The following ITGA1 variants were observed in gnomAD, a reference collection of about 807,000 sequenced individuals.
ITGA1 encodes the protein integrin subunit alpha 1.
A neutral mutation model predicts 145.9 loss-of-function variants in ITGA1; 85 were observed. The observed-to-expected ratio is 0.58, with a 90% CI of 0.49 to 0.70. The LOEUF (loss-of-function observed/expected upper bound fraction) is 0.70. Among genes scored for constraint, ITGA1 ranks in the 30% least tolerant of loss-of-function variants. The pLI is 0.00. For synonymous variants in ITGA1, 520 were observed against 495.3 expected, an observed-to-expected ratio of 1.05 and a Z score of -0.66; for missense variants, 1,351 against 1,418.7, an observed-to-expected ratio of 0.95 and a Z score of 0.77.
rs1395854940 is a variant in ITGA1, at chr5:52,945,048, T to A, written c.3378+13T>A. On this transcript the variant is annotated intron_variant, in intron 27 of 28. Transcript: ENST00000282588. ...TCAAAAAAGAGAGGTAAGTGCAACA[T>A]GAGTTTTGAAAACATTATGCATTTC... 1 of 1,585,944 alleles carries A rather than the reference T, an allele frequency of 6.3e-7. No homozygotes were observed. Among genetic ancestry groups the A allele is most frequent in the Admixed American group, 1.7e-5 (1 of 59,838 alleles).
chr5:52,864,639 A>G, intron 3 of ITGA1, 124 bp from the exon 4 acceptor site: 1 of 635,036 alleles, frequency 1.6e-6, no homozygotes, highest in East Asian at 2.8e-5. Flanking sequence ...AAGACTAATT[A>G]GTTGAACCAA....
chr5:52,814,190 A>C (rs1240865806), intron 1 of ITGA1, among the ~76,000 whole-genome samples: 1 of 152,220 alleles, frequency 6.6e-6, no homozygotes, highest in Non-Finnish European at 1.5e-5. Context: ...TCTGTCACCC[A>C]GGCTGGAGTG....
chr5:52,792,383 G>A (rs1748258621), intron 1 of ITGA1, among the ~76,000 whole-genome samples: 1 of 152,170 alleles, frequency 6.6e-6, no homozygotes, highest in African/African-American at 2.4e-5. Flanking sequence ...TACTCATTGT[G>A]ATGTTTGTAA....
rs1285657026 is a variant in ITGA1 at position 52,957,747 on chromosome 5, A to C, written c.*5296A>C. On this transcript the variant is annotated 3_prime_UTR_variant, in exon 29 of 29. Coordinates refer to ENST00000282588, the MANE Select transcript of ITGA1 (RefSeq NM_181501.2). Reference sequence around the variant, plus strand: ...ATGTTATCTTTGTTGGTGAGCAGACACTCAGAGATCCTTTAATTATCTGAC... The same window carrying C: ...ATGTTATCTTTGTTGGTGAGCAGACCCTCAGAGATCCTTTAATTATCTGAC... The C allele has an allele frequency of 2.6e-5, 4 of 152,150 alleles. No homozygotes were observed. 9.4% of individuals were successfully genotyped at this position (152,150 alleles called of 1,614,324 possible).
rs115814290 is a variant in ITGA1 at position 52,857,412 on chromosome 5, A to C, written c.183-4035A>C. Among the ~76,000 whole-genome samples, 506 of 152,102 alleles carry C rather than the reference A, an allele frequency of 3.3e-3. 3 individuals are homozygous for C. The highest frequency in any genetic ancestry group is 0.011 in the African/African-American group (463 of 41,506). ...TTCTTGCCATCATTTAGCCATATGC[A>C]GATTGCCTCCATGATAAATTTGGAC... On this transcript the variant is annotated intron_variant, in intron 2 of 28. Coordinates refer to ENST00000282588, the MANE Select transcript of ITGA1 (RefSeq NM_181501.2).
chr5:52,831,590 A>G (rs1173401629), intron 1 of ITGA1, among the ~76,000 whole-genome samples: 2 of 152,012 alleles, frequency 1.3e-5, no homozygotes, highest in Admixed American at 1.3e-4. Context: ...TCACAATAAC[A>G]GTAATCACTT....
At chr5:52,836,913 A>T (rs1253167126) in intron 1 of ITGA1, among the ~76,000 whole-genome samples, 1 of 152,132 alleles carries the variant, frequency 6.6e-6, no homozygotes, top group East Asian at 1.9e-4. Context: ...ATACAGGAAA[A>T]TTTAAAGGCA....
intron 1 of ITGA1, chr5:52,800,049 G>A (rs1027146506): frequency 6.4e-6 from 2 of 310,412 alleles, no homozygotes; most frequent in African/African-American, 2.2e-5. Context: ...CTTTGGGGAC[G>A]GGAGACGTGC....
chr5:52,884,043 A>T (rs1474591694), intron 7 of ITGA1, among the ~76,000 whole-genome samples: 1 of 152,220 alleles, frequency 6.6e-6, no homozygotes, highest in African/African-American at 2.4e-5. Context: ...TGACCTAAGG[A>T]ATTTGAATTT....
chr5:52,898,409 G>C (rs202122639), intron 11 of ITGA1, 26 bp downstream of exon 11: 1 of 1,555,382 alleles, frequency 6.4e-7, no homozygotes, highest in Admixed American at 2.0e-5. Context: ...AATTATAAAA[G>C]AGTTGTTTTA....
intron 6 of ITGA1, among the ~76,000 whole-genome samples, chr5:52,875,164 G>A (rs548782261): frequency 6.4e-4 from 97 of 152,186 alleles, no homozygotes; most frequent in African/African-American, 2.3e-3. Context: ...GAGATGGGGA[G>A]GAGTCTGCCG....
chr5:52,808,474 T>G (rs1458339166), intron 1 of ITGA1, among the ~76,000 whole-genome samples: 1 of 152,144 alleles, frequency 6.6e-6, no homozygotes, highest in Non-Finnish European at 1.5e-5. Flanking sequence ...ATGTCTGGAA[T>G]TTTTCATCAA....
At chr5:52,842,746 C>T (rs1379754339) in intron 1 of ITGA1, among the ~76,000 whole-genome samples, 1 of 147,572 alleles carries the variant, frequency 6.8e-6, no homozygotes, top group Non-Finnish European at 1.5e-5. Flanking sequence ...AGTGCAGTGG[C>T]ACGATCTCGG....
At chr5:52,810,734 G>T (rs1748671783) in intron 1 of ITGA1, among the ~76,000 whole-genome samples, 1 of 151,216 alleles carries the variant, frequency 6.6e-6, no homozygotes, top group South Asian at 2.1e-4. Context: ...CTCACTCTGG[G>T]CCTAACTCCT....
Position 52,893,767 on chromosome 5 carries a change from C to T in ITGA1, c.1017C>T (p.Phe339=), listed in dbSNP as rs1402007323. ...CAAGTGAACCCACTGAAAAGCATTT[C>T]TTCAATGTCTCTGATGAATTGGCTC... ...SIASEPTEKH[F]FNVSDELALV... Residue 339 remains phenylalanine, a synonymous_variant, in exon 9 of 29, where the codon TTC becomes TTT. Transcript: ENST00000282588. 15 of 1,612,694 alleles carry T rather than the reference C, an allele frequency of 9.3e-6. No homozygotes were observed. The highest frequency in any genetic ancestry group is 1.1e-5 in the Non-Finnish European group (13 of 1,179,074).
In ITGA1 at chr5:52,955,784, A is replaced by G. The variant is rs962947407; in HGVS notation, c.*3333A>G. ...CTTCATTGGTCCAATTTGTCAAACT[A>G]TTTTCCTCTGAGCACTAGATTCATG... On this transcript the variant is annotated 3_prime_UTR_variant, in exon 29 of 29. Transcript: ENST00000282588. 1.3e-5 allele frequency: 2 copies of G among 152,070 alleles called. No homozygotes were observed. The highest frequency in any genetic ancestry group is 3.9e-4 in the East Asian group (2 of 5,190). The allele number at this position is 152,070 out of a possible 1,614,324, so 9.4% of individuals were successfully genotyped here. A position where few individuals can be genotyped will look rare whatever the true frequency, so the allele number is the denominator to read the frequency against.
chr5:52,820,039 G>A (rs931196093), intron 1 of ITGA1, among the ~76,000 whole-genome samples: 2 of 136,500 alleles, frequency 1.5e-5, no homozygotes, highest in South Asian at 4.6e-4. Context: ...TGCTGTTTTG[G>A]TTACTGTAGC....
At chr5:52,810,221 C>T (rs6896687) in intron 1 of ITGA1, among the ~76,000 whole-genome samples, 40,025 of 151,898 alleles carry the variant, frequency 0.26, 5,501 homozygotes, top group Non-Finnish European at 0.3. Context: ...TGGTTGGTGG[C>T]ACAGCCACCT....
rs769042450 is a variant in ITGA1, at chr5:52,910,461, G to A, written c.1857+42G>A. 2.5e-6 allele frequency: 4 copies of A among 1,589,542 alleles called. No individual in the cohort carries two copies. In the Admixed American group the frequency reaches 6.8e-5, roughly 27 times the overall value. ...ACAGATTCCCACCCTTCAGTGATAA[G>A]TCGGTTCAATGCCAGGCATTACCTG... is the stretch of plus-strand genomic sequence containing the variant. On this transcript the variant is annotated intron_variant, in intron 14 of 28. Coordinates refer to ENST00000282588, the MANE Select transcript of ITGA1 (RefSeq NM_181501.2).
Sources: gnomAD v4.1 joint callset for allele counts (sites outside exome capture counted in the v4.1 genomes callset) on GRCh38, gnomAD v4.1.1 for gene constraint, MANE v1.5 for transcripts, NCBI Gene and HGNC (gene_info 2026-07-23, HGNC 2026-07-21) for gene names.